KALRN: variants seen among roughly 807,000 people sequenced by gnomAD.
KALRN encodes kalirin.
A neutral mutation model predicts 353.7 loss-of-function variants in KALRN; 70 were observed. The observed-to-expected ratio is 0.20, with a 90% CI of 0.16 to 0.24. KALRN has a LOEUF of 0.24. KALRN is among the 10% of genes least tolerant of loss of function. The probability of loss-of-function intolerance (pLI) is 1.00; values close to 1 mark genes in which losing one functional copy is unlikely to be tolerated. For missense variants in KALRN, 2,791 were observed against 3,756.7 expected (o/e 0.74, Z 6.72); for synonymous variants, 1,391 against 1,434.8 (o/e 0.97, Z 0.69).
At chr3:124,351,092 T>G (rs1261070165) in intron 10 of KALRN, among the ~76,000 whole-genome samples, 1 of 152,160 alleles carries the variant, frequency 6.6e-6, no homozygotes, top group Non-Finnish European at 1.5e-5. Flanking sequence ...ACAACGTGAT[T>G]GCCATGTTTA....
At chr3:124,673,248 A>G (rs1267359279) in intron 48 of KALRN, among the ~76,000 whole-genome samples, 1 of 148,946 alleles carries the variant, frequency 6.7e-6, no homozygotes, top group Non-Finnish European at 1.5e-5. Context: ...AAAAAAAATT[A>G]GCCAGGCACG....
At chr3:124,441,413 A>G (rs2093661544) in intron 18 of KALRN, among the ~76,000 whole-genome samples, 2 of 152,334 alleles carry the variant, frequency 1.3e-5, no homozygotes, top group South Asian at 4.1e-4. Flanking sequence ...TCACTTGAAA[A>G]AAGGAAAGCT....
At chr3:124,140,028 CAG>C (rs1391631674) in intron 1 of KALRN, among the ~76,000 whole-genome samples, 12 of 152,180 alleles carry the variant, frequency 7.9e-5, no homozygotes, top group Admixed American at 7.9e-4. Flanking sequence ...GTTCCACCAG[CAG>C]AGTTATCTCT....
chr3:124,291,694 G>A (rs2076432818), intron 5 of KALRN, among the ~76,000 whole-genome samples: 1 of 152,168 alleles, frequency 6.6e-6, no homozygotes, highest in Admixed American at 6.5e-5. Flanking sequence ...ACGTGGCCTG[G>A]TCAGTGAGAT....
At chr3:124,268,583 T>C in intron 4 of KALRN, 160 bp from the exon 5 acceptor site, 1 of 685,122 alleles carries the variant, frequency 1.5e-6, no homozygotes, top group Non-Finnish European at 2.5e-6. Flanking sequence ...GACTGATCTG[T>C]GACTCCTGAC....
chr3:124,478,044 G>A (rs2061593062), intron 27 of KALRN, among the ~76,000 whole-genome samples: 1 of 152,194 alleles, frequency 6.6e-6, no homozygotes, highest in Non-Finnish European at 1.5e-5. Context: ...ACACAATCCT[G>A]TTGGCAAATG....
intron 1 of KALRN, among the ~76,000 whole-genome samples, chr3:124,111,438 G>A (rs964831167): frequency 6.6e-6 from 1 of 152,168 alleles, no homozygotes; most frequent in African/African-American, 2.4e-5. Flanking sequence ...AATGTAGTCA[G>A]CATTTACCCT....
intron 1 of KALRN, among the ~76,000 whole-genome samples, chr3:124,095,091 A>T (rs1270380726): frequency 6.6e-6 from 1 of 152,148 alleles, no homozygotes; most frequent in Admixed American, 6.5e-5. Flanking sequence ...GGGGACATGT[A>T]TGACCCAGCT....
intron 36 of KALRN, among the ~76,000 whole-genome samples, chr3:124,634,775 T>C (rs1339096320): frequency 6.6e-6 from 1 of 152,168 alleles, no homozygotes; most frequent in African/African-American, 2.4e-5. Flanking sequence ...GGGTTTTGAC[T>C]GTATGGCACT....
At chr3:124,374,144 C>T (rs539472170) in intron 10 of KALRN, among the ~76,000 whole-genome samples, 4 of 152,290 alleles carry the variant, frequency 2.6e-5, no homozygotes, top group African/African-American at 9.6e-5. Flanking sequence ...TAGCTAGTTC[C>T]TTCTACCATA....
chr3:124,208,219 A>G (rs1382406090), intron 1 of KALRN, among the ~76,000 whole-genome samples: 2 of 152,180 alleles, frequency 1.3e-5, no homozygotes, highest in Admixed American at 1.3e-4. Flanking sequence ...AGAAGCACAA[A>G]GGTCCCTAAA....
rs76425368 is a variant in KALRN at position 124,312,908 on chromosome 3, G to A, written c.1093-13072G>A. ...TCTGCAGAAATTATAACAATGCCTG[G>A]CAGTTAGTAGGTGCCTAAATAAACG... is the stretch of plus-strand genomic sequence containing the variant. On this transcript the variant is annotated intron_variant, in intron 6 of 59. Transcript: ENST00000682506. 3.5e-3 allele frequency among the ~76,000 whole-genome samples: 538 copies of A among 152,344 alleles called. 5 individuals carry two copies. The highest frequency in any genetic ancestry group is 0.012 in the African/African-American group (519 of 41,574).
intron 5 of KALRN, 94 bp from the exon 6 acceptor site, chr3:124,298,697 A>ACT (rs1302458731): frequency 1.4e-6 from 2 of 1,388,128 alleles, no homozygotes; most frequent in Non-Finnish European, 2.0e-6. Context: ...GAGCACCAGC[A>ACT]GGAGAGCTTT....
At chr3:124,445,862 T>C (rs552886511) in intron 19 of KALRN, among the ~76,000 whole-genome samples, 9 of 152,228 alleles carry the variant, frequency 5.9e-5, no homozygotes, top group Middle Eastern at 3.2e-3. Flanking sequence ...AACCAAGGAC[T>C]AATTTTGCTA....
At chr3:124,688,304 C>A (rs1054290175) in intron 51 of KALRN, among the ~76,000 whole-genome samples, 50 of 131,338 alleles carry the variant, frequency 3.8e-4, no homozygotes, top group Non-Finnish European at 4.2e-4. Context: ...CAGCGTGAGA[C>A]CCTGTCAAAA....
chr3:124,673,589 T>C (rs992639244), intron 48 of KALRN, among the ~76,000 whole-genome samples: 31 of 151,870 alleles, frequency 2.0e-4, no homozygotes, highest in Admixed American at 5.3e-4. Flanking sequence ...TGTATATGCA[T>C]ATAGAATATA....
chr3:124,417,105 C>T (rs906360879), intron 14 of KALRN, among the ~76,000 whole-genome samples: 1 of 152,204 alleles, frequency 6.6e-6, no homozygotes, highest in Non-Finnish European at 1.5e-5. Flanking sequence ...TCTTAATTTG[C>T]TCATTGTTCT....
At chr3:124,049,072 G>A (rs1390200765) in intron 1 of KALRN, among the ~76,000 whole-genome samples, 2 of 152,134 alleles carry the variant, frequency 1.3e-5, no homozygotes, top group African/African-American at 2.4e-5. Context: ...TTTGTGTAAC[G>A]TTTAAGGACA....
intron 1 of KALRN, among the ~76,000 whole-genome samples, chr3:124,189,767 A>G (rs1168683737): frequency 1.3e-5 from 2 of 152,108 alleles, no homozygotes; most frequent in Non-Finnish European, 2.9e-5. Flanking sequence ...GTGAAAACCC[A>G]TCTCTACTAA....
Sources: gnomAD v4.1 joint callset for allele counts (sites outside exome capture counted in the v4.1 genomes callset) on GRCh38, gnomAD v4.1.1 for gene constraint, MANE v1.5 for transcripts, NCBI Gene and HGNC (gene_info 2026-07-23, HGNC 2026-07-21) for gene names.